GPC5: variants seen among roughly 807,000 people sequenced by gnomAD.
GPC5 encodes the protein glypican 5.
A neutral mutation model predicts 53.9 loss-of-function variants in GPC5; 47 were observed. The observed-to-expected ratio is 0.87, with a 90% CI of 0.69 to 1.11. GPC5 has a LOEUF of 1.11. Among genes scored for constraint, GPC5 ranks in the 50% most tolerant of loss-of-function variants. The pLI is 0.00. For synonymous variants in GPC5, 286 were observed against 263.3 expected (o/e 1.09, Z -0.84); for missense variants, 748 against 713.1 (o/e 1.05, Z -0.56).
chr13:92,446,525 C>G (rs957940712), intron 7 of GPC5: 1 of 151,726 alleles, frequency 6.6e-6, no homozygotes, highest in African/African-American at 2.4e-5. Context: ...TTTATCCATT[C>G]ATCTGCTGAT....
chr13:91,843,105 A>C (rs942103494), intron 5 of GPC5, among the ~76,000 whole-genome samples: 1 of 152,216 alleles, frequency 6.6e-6, no homozygotes, highest in Non-Finnish European at 1.5e-5. Flanking sequence ...TCACAATTTT[A>C]GAATTGTATT....
At position 92,741,484 on chromosome 13, in the gene GPC5, T is replaced by C. The variant is rs528513681; in HGVS notation, c.1562-124798T>C. On this transcript the variant is annotated intron_variant, in intron 7 of 7. Coordinates refer to ENST00000377067, the MANE Select transcript of GPC5 (RefSeq NM_004466.6). The stretch of plus-strand genomic sequence containing the variant: ...TCATAACTATAAGAAATCCATTCTT[T>C]TTCTTTAGAAATTATCCAGTTTATA... 3.3e-5 allele frequency among the ~76,000 whole-genome samples: 5 copies of C among 152,176 alleles called. No individual in the cohort carries two copies. The East Asian group carries it at 5.8e-4, about 18-fold the overall frequency.
At chr13:92,304,506 C>G (rs1363165119) in intron 7 of GPC5, among the ~76,000 whole-genome samples, 1 of 152,070 alleles carries the variant, frequency 6.6e-6, no homozygotes, top group Non-Finnish European at 1.5e-5. Flanking sequence ...ACTCCACCCT[C>G]ATTTACTTTC....
At chr13:92,663,360 C>G (rs1886413711) in intron 7 of GPC5, among the ~76,000 whole-genome samples, 1 of 151,756 alleles carries the variant, frequency 6.6e-6, no homozygotes, top group Non-Finnish European at 1.5e-5. Flanking sequence ...GGAATTGGTT[C>G]TGATAGGTGA....
chr13:92,677,008 T>C (rs1006911757), intron 7 of GPC5, among the ~76,000 whole-genome samples: 28 of 152,198 alleles, frequency 1.8e-4, no homozygotes, highest in African/African-American at 6.5e-4. Context: ...GGAGTTTCTA[T>C]ACATTGTCTT....
intron 7 of GPC5, among the ~76,000 whole-genome samples, chr13:92,408,750 A>G (rs920589261): frequency 4.6e-5 from 7 of 152,104 alleles, no homozygotes; most frequent in Admixed American, 3.3e-4. Context: ...TTTTTTATGA[A>G]ATATGAACTG....
At chr13:92,851,787 G>C (rs549193952) in intron 7 of GPC5, among the ~76,000 whole-genome samples, 4 of 151,216 alleles carry the variant, frequency 2.6e-5, no homozygotes, top group African/African-American at 9.7e-5. Flanking sequence ...TGCTCAGGAG[G>C]CTGAGGCAGG....
At chr13:91,507,105 G>A (rs970164196) in intron 2 of GPC5, among the ~76,000 whole-genome samples, 9 of 152,072 alleles carry the variant, frequency 5.9e-5, no homozygotes, top group Non-Finnish European at 1.0e-4. Flanking sequence ...CATAGACTGA[G>A]TGGCTTATAA....
intron 2 of GPC5, among the ~76,000 whole-genome samples, chr13:91,550,874 A>G (rs970470894): frequency 2.0e-5 from 3 of 151,866 alleles, no homozygotes; most frequent in African/African-American, 7.3e-5. Context: ...CTGCACAAGC[A>G]CTCTTACCTT....
At chr13:91,566,000 T>C (rs1307173059) in intron 2 of GPC5, among the ~76,000 whole-genome samples, 1 of 152,308 alleles carries the variant, frequency 6.6e-6, no homozygotes, top group South Asian at 2.1e-4. Flanking sequence ...GTTTGTCTTT[T>C]CTTTTAATTA....
At chr13:91,574,302 G>C (rs1343723999) in intron 2 of GPC5, among the ~76,000 whole-genome samples, 1 of 152,014 alleles carries the variant, frequency 6.6e-6, no homozygotes, top group Non-Finnish European at 1.5e-5. Flanking sequence ...TTTAGTCTTT[G>C]GTTTCCATGT....
intron 7 of GPC5, among the ~76,000 whole-genome samples, chr13:92,482,821 A>G (rs547781710): frequency 3.9e-5 from 6 of 152,296 alleles, no homozygotes; most frequent in African/African-American, 1.2e-4. Context: ...ATGAGTAACT[A>G]TAGTTATGCC....
At chr13:91,457,806 G>A (rs975236572) in intron 2 of GPC5, among the ~76,000 whole-genome samples, 4 of 152,066 alleles carry the variant, frequency 2.6e-5, no homozygotes, top group African/African-American at 9.7e-5. Flanking sequence ...ACGTGGTTGA[G>A]CAGGTACAGT....
chr13:92,602,332 A>G (rs1884106513), intron 7 of GPC5, among the ~76,000 whole-genome samples: 1 of 149,530 alleles, frequency 6.7e-6, no homozygotes, highest in East Asian at 2.0e-4. Context: ...GGCATTTAAA[A>G]GTATAATTCA....
At chr13:92,827,460 A>C (rs910598347) in intron 7 of GPC5, among the ~76,000 whole-genome samples, 3 of 152,088 alleles carry the variant, frequency 2.0e-5, no homozygotes, top group Non-Finnish European at 2.9e-5. Flanking sequence ...TTCCAACCTG[A>C]GAGATGTTGG....
chr13:92,011,466 T>A (rs544718422), intron 6 of GPC5, among the ~76,000 whole-genome samples: 11 of 152,268 alleles, frequency 7.2e-5, no homozygotes, highest in Non-Finnish European at 1.5e-4. Context: ...CCCAAGGAGA[T>A]CTGAAATTTG....
At chr13:92,649,828 C>T (rs1432730588) in intron 7 of GPC5, among the ~76,000 whole-genome samples, 1 of 152,078 alleles carries the variant, frequency 6.6e-6, no homozygotes, top group Non-Finnish European at 1.5e-5. Context: ...ACGTAATTTC[C>T]TTAACCTTTG....
intron 7 of GPC5, among the ~76,000 whole-genome samples, chr13:92,233,629 A>G (rs913137271): frequency 3.3e-5 from 5 of 151,902 alleles, no homozygotes; most frequent in Non-Finnish European, 7.4e-5. Flanking sequence ...ATGTTTGTTA[A>G]TTTTTTTTAT....
intron 7 of GPC5, among the ~76,000 whole-genome samples, chr13:92,779,477 T>C (rs370877541): frequency 9.9e-5 from 15 of 152,202 alleles, no homozygotes; most frequent in African/African-American, 3.4e-4. Flanking sequence ...CTACATGTTT[T>C]CCCAGGTTGC....
Sources: allele counts gnomAD v4.1 joint callset (sites outside exome capture counted in the v4.1 genomes callset), GRCh38; gene constraint gnomAD v4.1.1; transcripts MANE v1.5; gene names NCBI Gene and HGNC (gene_info 2026-07-23, HGNC 2026-07-21).